Variants in STXBP6 observed in about 807,000 individuals in gnomAD.
The protein encoded by STXBP6 is syntaxin-binding protein 6.
In STXBP6, 21 loss-of-function variants were observed where a neutral mutation model predicts 26.9. The ratio of observed to expected loss-of-function variants is 0.78; its 90% CI spans 0.55 to 1.12. The LOEUF is 1.12. Among genes scored for constraint, STXBP6 ranks in the 50% most tolerant of loss-of-function variants. STXBP6 has a pLI of 0.00. For missense variants in STXBP6, 232 were observed against 257.9 expected, an observed-to-expected ratio of 0.90 and a Z score of 0.69; for synonymous variants, 97 against 92.6, an observed-to-expected ratio of 1.05 and a Z score of -0.27.
intron 2 of STXBP6, among the ~76,000 whole-genome samples, chr14:24,948,502 T>C (rs1300374087): frequency 2.0e-5 from 3 of 152,150 alleles, no homozygotes; most frequent in African/African-American, 7.2e-5. Context: ...CCTGACACTA[T>C]GCTCACATAG....
At chr14:24,961,653 G>T (rs1233034990) in intron 2 of STXBP6, among the ~76,000 whole-genome samples, 1 of 151,898 alleles carries the variant, frequency 6.6e-6, no homozygotes, top group Non-Finnish European at 1.5e-5. Flanking sequence ...AAGGCAGCAG[G>T]GTGGAAAGGA....
chr14:24,894,895 T>C (rs114040041), intron 2 of STXBP6, among the ~76,000 whole-genome samples: 100,136 of 151,342 alleles, frequency 0.66, 33,246 homozygotes, highest in East Asian at 0.76. Flanking sequence ...CTCTCTCTTT[T>C]TTTTTTTTTA....
intron 5 of STXBP6, chr14:24,817,259 T>C (rs1278332918): frequency 1.3e-5 from 2 of 152,222 alleles, no homozygotes; most frequent in Admixed American, 1.3e-4. Context: ...TCTGGTTAGG[T>C]TATCCAATCC....
intron 1 of STXBP6, among the ~76,000 whole-genome samples, chr14:24,980,252 A>C (rs1595242398): frequency 6.6e-6 from 1 of 152,236 alleles, no homozygotes; most frequent in South Asian, 2.1e-4. Flanking sequence ...GTCATATATT[A>C]AGATCAAGGA....
chr14:24,981,359 C>G (rs2074187885), intron 1 of STXBP6, among the ~76,000 whole-genome samples: 1 of 151,994 alleles, frequency 6.6e-6, no homozygotes. Flanking sequence ...CAACCTCTGT[C>G]TCCCAGGTTC....
intron 1 of STXBP6, among the ~76,000 whole-genome samples, chr14:25,003,527 C>T (rs1156601395): frequency 6.6e-6 from 1 of 152,276 alleles, no homozygotes; most frequent in African/African-American, 2.4e-5. Flanking sequence ...ACCTAAGGTA[C>T]AAACCTAGCT....
intron 2 of STXBP6, among the ~76,000 whole-genome samples, chr14:24,883,066 GCAA>G (rs1347710394): frequency 2.0e-5 from 3 of 152,066 alleles, no homozygotes; most frequent in African/African-American, 7.2e-5. Flanking sequence ...AATTAAATAT[GCAA>G]CAACTATAAT....
At chr14:25,012,708 G>T (rs1258050465) in intron 1 of STXBP6, among the ~76,000 whole-genome samples, 19 of 152,134 alleles carry the variant, frequency 1.2e-4, no homozygotes, top group Non-Finnish European at 2.9e-5. Context: ...AATAAAACAG[G>T]TAAATTATGT....
At chr14:24,822,063 G>A (rs1238197960) in intron 4 of STXBP6, among the ~76,000 whole-genome samples, 3 of 152,054 alleles carry the variant, frequency 2.0e-5, no homozygotes, top group African/African-American at 4.8e-5. Flanking sequence ...TCATGCTGCT[G>A]AGCTCCAGGC....
intron 2 of STXBP6, among the ~76,000 whole-genome samples, chr14:24,945,655 G>A (rs1316454185): frequency 6.6e-6 from 1 of 152,078 alleles, no homozygotes; most frequent in African/African-American, 2.4e-5. Flanking sequence ...CTCATAAACA[G>A]ATAGATGAGC....
chr14:25,035,931 T>C (rs988018761), intron 1 of STXBP6, among the ~76,000 whole-genome samples: 5 of 152,008 alleles, frequency 3.3e-5, no homozygotes, highest in African/African-American at 9.7e-5. Flanking sequence ...GAAAAACAGG[T>C]TGTGGGCTGG....
intron 3 of STXBP6, 26 bp downstream of exon 3, chr14:24,857,001 T>C (rs769833094): frequency 1.2e-6 from 2 of 1,606,900 alleles, no homozygotes; most frequent in Non-Finnish European, 8.5e-7. Context: ...AGAATGCCTT[T>C]GCTCAGCATT....
chr14:24,874,444 C>T (rs539640991), intron 2 of STXBP6, among the ~76,000 whole-genome samples: 14 of 152,152 alleles, frequency 9.2e-5, no homozygotes, highest in South Asian at 4.2e-4. Flanking sequence ...GTTCCACCGA[C>T]GGGTACAGAC....
chr14:24,911,550 G>A (rs1232546321), intron 2 of STXBP6, among the ~76,000 whole-genome samples: 1 of 152,118 alleles, frequency 6.6e-6, no homozygotes, highest in Non-Finnish European at 1.5e-5. Flanking sequence ...ATAGATACCA[G>A]CTTCTCAAAG....
chr14:24,920,747 C>T (rs12886877), intron 2 of STXBP6, among the ~76,000 whole-genome samples: 34,686 of 151,872 alleles, frequency 0.23, 4,095 homozygotes, highest in African/African-American at 0.28. Context: ...CCCAAACCAC[C>T]TCACAGTCTC....
chr14:24,888,257 C>G (rs1203060181), intron 2 of STXBP6, among the ~76,000 whole-genome samples: 2 of 152,170 alleles, frequency 1.3e-5, no homozygotes, highest in Non-Finnish European at 2.9e-5. Context: ...AGCTATATTA[C>G]AAATGGATAG....
intron 4 of STXBP6, among the ~76,000 whole-genome samples, chr14:24,850,702 G>A (rs944987163): frequency 6.6e-6 from 1 of 152,046 alleles, no homozygotes; most frequent in Non-Finnish European, 1.5e-5. Context: ...AGTCAAGCTG[G>A]TGAAGGTGCC....
At chr14:25,038,364 C>T (rs1011793733) in intron 1 of STXBP6, among the ~76,000 whole-genome samples, 1 of 152,190 alleles carries the variant, frequency 6.6e-6, no homozygotes, top group African/African-American at 2.4e-5. Flanking sequence ...GTTGTAGACA[C>T]ACACCCACCA....
chr14:24,876,960 C>G (rs1022870199), intron 2 of STXBP6, among the ~76,000 whole-genome samples: 2 of 152,138 alleles, frequency 1.3e-5, no homozygotes, highest in African/African-American at 2.4e-5. Context: ...CAGGGATTAT[C>G]AAAATATTTC....
Sources: allele counts gnomAD v4.1 joint callset (sites outside exome capture counted in the v4.1 genomes callset), GRCh38; gene constraint gnomAD v4.1.1; transcripts MANE v1.5; gene names NCBI Gene and HGNC (gene_info 2026-07-23, HGNC 2026-07-21).